EML6: variants seen among roughly 807,000 people sequenced by gnomAD.
The protein encoded by EML6 is echinoderm microtubule-associated protein-like 6.
EML6 carries 154 observed loss-of-function variants against 240.1 expected under a neutral mutation model. The observed-to-expected ratio is 0.64, with a 90% CI of 0.56 to 0.73. The LOEUF (loss-of-function observed/expected upper bound fraction) is 0.73. EML6 is among the 30% of genes least tolerant of loss of function. The probability of loss-of-function intolerance (pLI) is 0.00; values close to 1 mark genes in which losing one functional copy is unlikely to be tolerated. For synonymous variants in EML6, 1,148 were observed against 899.0 expected (o/e 1.28, Z -4.95); for missense variants, 2,964 against 2,474.6 (o/e 1.20, Z -4.20).
chr2:54,925,217 C>T (rs1252249410), intron 26 of EML6, among the ~76,000 whole-genome samples: 1 of 152,152 alleles, frequency 6.6e-6, no homozygotes, highest in East Asian at 1.9e-4. Flanking sequence ...TTCCTGTGAG[C>T]ACACAGTGAG....
Position 54,827,621 on chromosome 2 carries a change from C to T in EML6, c.581C>T (p.Thr194Ile), listed in dbSNP as rs777100783. Residue 194 changes from threonine to isoleucine, a missense_variant, in exon 6 of 42, where the codon ACA becomes ATA. By Grantham distance (89) the Thr-to-Ile change is moderately conservative. Transcript: ENST00000356458. Reference protein sequence around the residue: ...LTAKRGIFGKTGDLQTILCLA... With the variant: ...LTAKRGIFGKIGDLQTILCLA... ...GCAAAAAGAGGGATATTTGGCAAAA[C>T]AGGGGATCTTCAGACCATCCTTTGC... 61 of 1,551,576 alleles carry T rather than the reference C, an allele frequency of 3.9e-5. No individual in the cohort carries two copies. The highest frequency in any genetic ancestry group is 1.7e-4 in the East Asian group (7 of 40,934).
At chr2:54,897,489 A>G (rs1453883147) in intron 21 of EML6, among the ~76,000 whole-genome samples, 1 of 152,184 alleles carries the variant, frequency 6.6e-6, no homozygotes, top group Admixed American at 6.5e-5. Context: ...AATTACCCAC[A>G]GTCACATGCT....
At chr2:54,790,813 C>T (rs1669400941) in intron 2 of EML6, among the ~76,000 whole-genome samples, 2 of 151,092 alleles carry the variant, frequency 1.3e-5, no homozygotes, top group South Asian at 4.2e-4. Context: ...GCAAGCTCCG[C>T]CTCCCAGGTT....
chr2:54,850,897 AGTAGGG>A (rs1670043352), intron 10 of EML6, among the ~76,000 whole-genome samples: 1 of 152,260 alleles, frequency 6.6e-6, no homozygotes, highest in Non-Finnish European at 1.5e-5. Flanking sequence ...TACTTGCATC[AGTAGGG>A]ATACATCTCA....
At chr2:54,899,909 A>G in intron 22 of EML6, 127 bp downstream of exon 22, 2 of 920,090 alleles carry the variant, frequency 2.2e-6, no homozygotes, top group Non-Finnish European at 3.2e-6. Context: ...GGGCAATGAG[A>G]ATTTTATATT....
intron 5 of EML6, among the ~76,000 whole-genome samples, chr2:54,823,925 T>C (rs1431211010): frequency 7.0e-6 from 1 of 143,428 alleles, no homozygotes; most frequent in Non-Finnish European, 1.5e-5. Flanking sequence ...ACCTCCTAAA[T>C]TAAAGATAAT....
chr2:54,893,212 TCTACAAA>T (rs1672570853), intron 19 of EML6, among the ~76,000 whole-genome samples: 1 of 152,182 alleles, frequency 6.6e-6, no homozygotes, highest in Non-Finnish European at 1.5e-5. Context: ...GCAGTGTCCC[TCTACAAA>T]GATTACACTT....
chr2:54,820,370 G>C (rs1668277335), intron 4 of EML6, 24 bp from the exon 5 acceptor site: 1 of 1,510,150 alleles, frequency 6.6e-7, no homozygotes, highest in East Asian at 2.5e-5. Flanking sequence ...TGATCAACAT[G>C]GCAACTTTTA....
At position 54,962,519 on chromosome 2, in the gene EML6, A is replaced by C. The variant is rs1220093086; in HGVS notation, c.4969-4A>C. The C allele has an allele frequency of 1.3e-6, 2 of 1,540,804 alleles. No individual in the cohort carries two copies. Among genetic ancestry groups the C allele is most frequent in the Non-Finnish European group, 1.8e-6 (2 of 1,141,548 alleles). ...TTTTTCTAATAGTGTTTCAATTACA[A>C]CAGGGAAAAATCTTAGTGGGAACCA... On this transcript the variant is annotated splice_region_variant and splice_polypyrimidine_tract_variant and intron_variant, in intron 35 of 41. Coordinates refer to ENST00000356458, the MANE Select transcript of EML6 (RefSeq NM_001039753.4).
intron 2 of EML6, among the ~76,000 whole-genome samples, chr2:54,797,207 T>G (rs959526215): frequency 5.2e-5 from 7 of 135,528 alleles, no homozygotes; most frequent in Non-Finnish European, 1.1e-4. Flanking sequence ...CTTGTAGGTC[T>G]AAGGTTGAGT....
chr2:54,760,447 A>C (rs968514037), intron 2 of EML6, among the ~76,000 whole-genome samples: 5 of 152,138 alleles, frequency 3.3e-5, no homozygotes, highest in Non-Finnish European at 4.4e-5. Context: ...ACAGTGTTTC[A>C]GTGAATCCTT....
chr2:54,796,977 CGTG>C (rs1669819689), intron 2 of EML6, among the ~76,000 whole-genome samples: 1 of 151,626 alleles, frequency 6.6e-6, no homozygotes, highest in Non-Finnish European at 1.5e-5. Context: ...TACTGGCTAA[CGTG>C]GTGAAACCTG....
At chr2:54,846,579 G>A (rs1164454954) in intron 8 of EML6, among the ~76,000 whole-genome samples, 2 of 151,172 alleles carry the variant, frequency 1.3e-5, no homozygotes, top group African/African-American at 2.4e-5. Context: ...GAACTCCTAG[G>A]CTCAAGCTAT....
intron 24 of EML6, among the ~76,000 whole-genome samples, chr2:54,907,312 G>C (rs1673375600): frequency 6.6e-6 from 1 of 152,132 alleles, no homozygotes; most frequent in African/African-American, 2.4e-5. Flanking sequence ...TTTGAGGCCA[G>C]CCTGGCCAAA....
intron 34 of EML6, 109 bp from the exon 35 acceptor site, chr2:54,960,111 C>A (rs1039953091): frequency 1.2e-6 from 1 of 806,894 alleles, no homozygotes; most frequent in Non-Finnish European, 2.0e-6. Flanking sequence ...TCCTTCTGGG[C>A]CCCAACTGGC....
rs548717801 is a variant in EML6, at chr2:54,735,653, C to G, written c.197+10395C>G. On this transcript the variant is annotated intron_variant, in intron 2 of 41. Transcript: ENST00000356458. ...TTTCCTACTGGAATATGGCCATGGC[C>G]CTTACAATGAATGAGACATTCCTTT... 3.3e-5 allele frequency among the ~76,000 whole-genome samples: 5 copies of G among 152,280 alleles called. No individual in the cohort carries two copies. The South Asian group carries it at 8.3e-4, about 25-fold the overall frequency.
chr2:54,846,514 T>C (rs1686754779), intron 8 of EML6, among the ~76,000 whole-genome samples: 1 of 151,178 alleles, frequency 6.6e-6, no homozygotes, highest in East Asian at 1.9e-4. Context: ...GACAGGGCCT[T>C]GCTCTGTTTC....
intron 24 of EML6, among the ~76,000 whole-genome samples, chr2:54,907,166 A>G (rs1673367880): frequency 6.6e-6 from 1 of 152,218 alleles, no homozygotes; most frequent in Non-Finnish European, 1.5e-5. Flanking sequence ...TATTTTCTAA[A>G]TGCTACAAGT....
intron 5 of EML6, among the ~76,000 whole-genome samples, chr2:54,825,156 G>T (rs1011677125): frequency 4.6e-5 from 7 of 152,240 alleles, no homozygotes; most frequent in East Asian, 1.9e-4. Context: ...CAGACGGGGG[G>T]TGTATATCCA....
Sources: allele counts gnomAD v4.1 joint callset (sites outside exome capture counted in the v4.1 genomes callset), GRCh38; gene constraint gnomAD v4.1.1; transcripts MANE v1.5; gene names NCBI Gene and HGNC (gene_info 2026-07-23, HGNC 2026-07-21).